Variants in CHKA observed in about 807,000 individuals in gnomAD.
CHKA encodes the protein CHETK-alpha.
CHKA carries 34 observed loss-of-function variants against 60.1 expected under a neutral mutation model. That is an observed-to-expected ratio of 0.57 (90% CI 0.43 to 0.75). The LOEUF (loss-of-function observed/expected upper bound fraction) is 0.75. Ranked by LOEUF, CHKA falls within the 30% of genes least tolerant of loss-of-function variation. CHKA has a pLI of 0.00. For missense variants in CHKA, 563 were observed against 561.3 expected, an observed-to-expected ratio of 1.00 and a Z score of -0.03; for synonymous variants, 217 against 223.1, an observed-to-expected ratio of 0.97 and a Z score of 0.24.
intron 1 of CHKA, among the ~76,000 whole-genome samples, chr11:68,118,615 C>T (rs1194309984): frequency 6.6e-6 from 1 of 152,186 alleles, no homozygotes; most frequent in Non-Finnish European, 1.5e-5. Flanking sequence ...AGACATCACC[C>T]ACTTTCCCAT....
At chr11:68,082,291 C>CTTA (rs1244454651) in intron 2 of CHKA, among the ~76,000 whole-genome samples, 1 of 151,932 alleles carries the variant, frequency 6.6e-6, no homozygotes, top group Admixed American at 6.6e-5. Flanking sequence ...TTCGTACTAT[C>CTTA]TTTAATAAGG....
At chr11:68,093,884 A>G (rs1590866492) in intron 2 of CHKA, among the ~76,000 whole-genome samples, 1 of 152,246 alleles carries the variant, frequency 6.6e-6, no homozygotes, top group Non-Finnish European at 1.5e-5. Flanking sequence ...ACTCAGTTCA[A>G]CAGCCACACT....
intron 1 of CHKA, among the ~76,000 whole-genome samples, chr11:68,119,589 C>T (rs1565198619): frequency 1.3e-5 from 2 of 152,128 alleles, no homozygotes; most frequent in Non-Finnish European, 2.9e-5. Flanking sequence ...CCTGCCTCAG[C>T]CTCCCAAGTA....
At chr11:68,093,796 T>TG (rs1398981881) in intron 2 of CHKA, among the ~76,000 whole-genome samples, 1 of 152,256 alleles carries the variant, frequency 6.6e-6, no homozygotes, top group Non-Finnish European at 1.5e-5. Context: ...ATTCTAGAGT[T>TG]GGGCTGTCCA....
intron 4 of CHKA, among the ~76,000 whole-genome samples, chr11:68,071,064 T>G (rs547989982): frequency 1.3e-5 from 2 of 152,284 alleles, no homozygotes; most frequent in African/African-American, 2.4e-5. Flanking sequence ...GCCGGCCACC[T>G]CCAAAGATCT....
intron 1 of CHKA, among the ~76,000 whole-genome samples, chr11:68,099,685 C>A (rs1040186722): frequency 6.6e-6 from 1 of 152,180 alleles, no homozygotes. Context: ...CCCCCTGCCG[C>A]GTCTGGTCAC....
rs549836364 is a variant in CHKA, at chr11:68,104,773, T to C, written c.351-7643A>G. 3.3e-5 allele frequency among the ~76,000 whole-genome samples: 5 copies of C among 152,166 alleles called. No homozygotes were observed. The South Asian group carries it at 8.3e-4, about 25-fold the overall frequency. On this transcript the variant is annotated intron_variant, in intron 1 of 11. Transcript: ENST00000265689. The stretch of plus-strand genomic sequence containing the variant: ...TATAAACATTATGAATAATGCTCCA[T>C]TGCCTCAGCACTTACATCAAATACA...
At chr11:68,103,435 T>C (rs1187758088) in intron 1 of CHKA, among the ~76,000 whole-genome samples, 2 of 151,690 alleles carry the variant, frequency 1.3e-5, no homozygotes, top group African/African-American at 4.9e-5. Context: ...TATTAGACTG[T>C]CTATTTTCAA....
intron 10 of CHKA, 78 bp downstream of exon 10, chr11:68,064,447 A>T: frequency 1.5e-6 from 1 of 682,144 alleles, no homozygotes; most frequent in African/African-American, 1.9e-5. Context: ...AATACTCCTA[A>T]TTGCAAGTCA....
At chr11:68,105,944 A>G (rs1319224010) in intron 1 of CHKA, among the ~76,000 whole-genome samples, 2 of 152,210 alleles carry the variant, frequency 1.3e-5, no homozygotes, top group East Asian at 1.9e-4. Flanking sequence ...AAATGACTAG[A>G]AAGAAAAAAA....
At chr11:68,116,857 T>C (rs1036918953) in intron 1 of CHKA, among the ~76,000 whole-genome samples, 1 of 152,198 alleles carries the variant, frequency 6.6e-6, no homozygotes, top group African/African-American at 2.4e-5. Flanking sequence ...ACAACTCTCA[T>C]GTTAGGACAA....
intron 11 of CHKA, chr11:68,061,660 T>TC (rs750336058): frequency 6.0e-6 from 3 of 497,960 alleles, no homozygotes; most frequent in Non-Finnish European, 1.2e-5. Flanking sequence ...ATGCCTACAT[T>TC]CCCCATCAGG....
rs140247990 is a variant in CHKA at position 68,081,421 on chromosome 11, T to C, written c.499A>G (p.Lys167Glu). The stretch of plus-strand genomic sequence containing the variant: ...TTACTTACTTGAAATTCATTTTCTT[T>C]CTGAGCTTGTTCGGATCCCTCTTTA... ...CNKEGSEQAQ[K>E]ENEFQGAEAM... Residue 167 changes from lysine to glutamate, a missense_variant, in exon 3 of 12, where the codon AAA (lysine) becomes GAA (glutamate). Physicochemically the swap from Lys to Glu is moderately conservative, Grantham distance 56. Transcript: ENST00000265689. 2.2e-5 allele frequency: 35 copies of C among 1,613,664 alleles called. No homozygotes were observed. In the African/African-American group the frequency reaches 4.7e-4, roughly 22 times the overall value.
At position 68,116,416 on chromosome 11, in the gene CHKA, C is replaced by T. The variant is rs574956651; in HGVS notation, c.350+4412G>A. ...AAAACCCCGTGGCTACCAAAAAATA[C>T]AAAAATTAGCCAGGTAGCCAGGCGT... On this transcript the variant is annotated intron_variant, in intron 1 of 11. Transcript: ENST00000265689. Among the ~76,000 whole-genome samples, 36 of 152,022 alleles carry T rather than the reference C, an allele frequency of 2.4e-4. 2 individuals are homozygous for T. In the Middle Eastern group the frequency reaches 0.01, roughly 43 times the overall value.
chr11:68,076,992 T>G (rs1319403040), intron 3 of CHKA, among the ~76,000 whole-genome samples: 1 of 151,922 alleles, frequency 6.6e-6, no homozygotes, highest in African/African-American at 2.4e-5. Context: ...AATCCCAGCA[T>G]TTCGGGAGGC....
intron 2 of CHKA, among the ~76,000 whole-genome samples, chr11:68,086,813 C>A (rs1040520596): frequency 2.6e-5 from 4 of 152,164 alleles, no homozygotes; most frequent in Admixed American, 2.6e-4. Flanking sequence ...CAGTGAAACA[C>A]CGTCTCTACT....
rs547015685 is a variant in CHKA at position 68,084,344 on chromosome 11, A to G, written c.463-2887T>C. On this transcript the variant is annotated intron_variant, in intron 2 of 11. Transcript: ENST00000265689. ...TATATATACACATATACGTATATATATGTGTATATATATATACACATATAT... is the reference window on the plus strand; with the variant it reads ...TATATATACACATATACGTATATATGTGTGTATATATATATACACATATAT... Among the ~76,000 whole-genome samples the G allele has an allele frequency of 2.9e-4, 41 of 139,470 alleles. 1 individual carries two copies. Among genetic ancestry groups the G allele is most frequent in the African/African-American group, 8.6e-4 (33 of 38,588 alleles). 91.5% of individuals were successfully genotyped at this position (139,470 alleles called of 152,430 possible).
At position 68,114,055 on chromosome 11, in the gene CHKA, C is replaced by G. The variant is rs151010768; in HGVS notation, c.350+6773G>C. On this transcript the variant is annotated intron_variant, in intron 1 of 11. Transcript: ENST00000265689. ...ATACGCCTACCAGAATGACCAAACA[C>G]CAGAATGCTGACACCACCAAATGCT... Among the ~76,000 whole-genome samples, 362 of 151,794 alleles carry G rather than the reference C, an allele frequency of 2.4e-3. 3 individuals are homozygous for G. The highest frequency in any genetic ancestry group is 3.8e-3 in the Non-Finnish European group (258 of 67,948).
chr11:68,074,877 G>T (rs1027426731), intron 3 of CHKA, 47 bp from the exon 4 acceptor site: 1 of 1,579,770 alleles, frequency 6.3e-7, no homozygotes, highest in South Asian at 1.1e-5. Context: ...TGTTTGCTAA[G>T]CGCCAGGCAT....
Sources: gnomAD v4.1 joint callset for allele counts (sites outside exome capture counted in the v4.1 genomes callset) on GRCh38, gnomAD v4.1.1 for gene constraint, MANE v1.5 for transcripts, NCBI Gene and HGNC (gene_info 2026-07-23, HGNC 2026-07-21) for gene names.